PLEK: variants seen among roughly 807,000 people sequenced by gnomAD.
The protein encoded by PLEK is platelet 47 kDa protein.
PLEK carries 25 observed loss-of-function variants against 43.9 expected under a neutral mutation model. That is an observed-to-expected ratio of 0.57 (90% CI 0.41 to 0.79). PLEK has a LOEUF of 0.79. Among genes scored for constraint, PLEK ranks in the 30% least tolerant of loss-of-function variants. PLEK has a pLI of 0.00. For missense variants in PLEK, 396 were observed against 413.3 expected (o/e 0.96, Z 0.36); for synonymous variants, 152 against 144.4 (o/e 1.05, Z -0.38).
At chr2:68,395,287 C>T (rs1673943387) in intron 8 of PLEK, among the ~76,000 whole-genome samples, 1 of 151,110 alleles carries the variant, frequency 6.6e-6, no homozygotes, top group Non-Finnish European at 1.5e-5. Flanking sequence ...AGGTAGATAT[C>T]AGGAGCAACC....
rs5831929 is a variant in PLEK at position 68,387,776 on chromosome 2, GTT to G, written c.658-600_658-599del. 7.3e-3 allele frequency among the ~76,000 whole-genome samples: 1,084 copies of G among 147,736 alleles called. 10 individuals carry two copies. The highest frequency in any genetic ancestry group is 0.026 in the African/African-American group (1,042 of 40,234). ...CACTTTAGGGGAAGTTCCACAGTCT[GTT>G]TTTTTTTTTTCTTCAGTCCTTTGAT... On this transcript the variant is annotated intron_variant, in intron 5 of 8. Transcript: ENST00000234313.
rs761664097 is a variant in PLEK at position 68,393,225 on chromosome 2, C to A, written c.826C>A (p.His276Asn). 2.5e-6 allele frequency: 4 copies of A among 1,609,548 alleles called. No homozygotes were observed. Among genetic ancestry groups the A allele is most frequent in the African/African-American group, 2.7e-5 (2 of 74,946 alleles). ...CTTGAGAGAAGACCCTGCCTACCTG[C>A]ACTACTATGACCCTGCTGGGGTAAG... ...FILREDPAYL[H>N]YYDPAGAEDP... The change falls in exon 7 of 9, where the codon CAC becomes AAC. Residue 276 changes from histidine to asparagine, a missense_variant. His to Asn is a moderately conservative substitution (Grantham distance 68, BLOSUM62 1). Coordinates refer to ENST00000234313, the MANE Select transcript of PLEK (RefSeq NM_002664.3).
chr2:68,371,907 G>C (rs1673415972), intron 1 of PLEK, among the ~76,000 whole-genome samples: 1 of 152,186 alleles, frequency 6.6e-6, no homozygotes, highest in Admixed American at 6.5e-5. Context: ...AAAGAGAAAG[G>C]CTGTATCTTA....
rs147762721 is a variant in PLEK, at chr2:68,370,454, G to A, written c.42+5061G>A. On this transcript the variant is annotated intron_variant, in intron 1 of 8. Coordinates refer to ENST00000234313, the MANE Select transcript of PLEK (RefSeq NM_002664.3). The stretch of plus-strand genomic sequence containing the variant: ...GTGAACTATTCGAGAGCAGAGATAG[G>A]GTCTTGTTTATTTTTGTTTTTATTT... Among the ~76,000 whole-genome samples, 247 of 152,058 alleles carry A rather than the reference G, an allele frequency of 1.6e-3. 2 individuals are homozygous for A. The highest frequency in any genetic ancestry group is 2.6e-3 in the Non-Finnish European group (177 of 67,952).
intron 1 of PLEK, among the ~76,000 whole-genome samples, chr2:68,374,613 C>T (rs1252439890): frequency 6.6e-6 from 1 of 152,178 alleles, no homozygotes; most frequent in Non-Finnish European, 1.5e-5. Flanking sequence ...AATCAACACA[C>T]AGATAAAGAC....
chr2:68,387,554 G>T (rs1673771061), intron 5 of PLEK, among the ~76,000 whole-genome samples: 1 of 152,150 alleles, frequency 6.6e-6, no homozygotes, highest in African/African-American at 2.4e-5. Context: ...ACCTCCCACA[G>T]TATGCTTACC....
intron 4 of PLEK, among the ~76,000 whole-genome samples, chr2:68,384,187 C>A (rs1396728003): frequency 6.6e-6 from 1 of 150,538 alleles, no homozygotes; most frequent in African/African-American, 2.5e-5. Flanking sequence ...CCTTCTCCTT[C>A]TCCTTCTCCT....
intron 1 of PLEK, 81 bp downstream of exon 1, chr2:68,365,474 C>A: frequency 9.2e-7 from 1 of 1,081,482 alleles, no homozygotes; most frequent in Non-Finnish European, 1.4e-6. Flanking sequence ...GCTACCTGCT[C>A]ATCTTAGGAA....
chr2:68,370,810 C>T (rs773429991), intron 1 of PLEK, among the ~76,000 whole-genome samples: 1 of 152,124 alleles, frequency 6.6e-6, no homozygotes, highest in African/African-American at 2.4e-5. Flanking sequence ...TCCCAACAAC[C>T]AGGCCAGTGT....
intron 6 of PLEK, among the ~76,000 whole-genome samples, chr2:68,388,828 A>G (rs980799851): frequency 2.4e-4 from 37 of 152,200 alleles, no homozygotes; most frequent in Non-Finnish European, 3.5e-4. Context: ...TGGTAAAAGT[A>G]CTTCCATTTT....
rs149225658 is a variant in PLEK at position 68,395,792 on chromosome 2, G to T, written c.1029G>T (p.Gln343His). Reference protein sequence around the residue: ...KERTEWIRAIQMASRTGK With the variant: ...KERTEWIRAIHMASRTGK ...GCACAGAGTGGATCAGAGCCATCCA[G>T]ATGGCCTCCCGAACTGGGAAGTAAA... Residue 343 changes from glutamine to histidine, a missense_variant, in exon 9 of 9, where the codon CAG (glutamine) becomes CAT (histidine). Gln to His is a conservative substitution (Grantham distance 24). Transcript: ENST00000234313. 1.5e-5 allele frequency: 25 copies of T among 1,613,824 alleles called. No individual in the cohort carries two copies. The highest frequency in any genetic ancestry group is 3.3e-4 in the Middle Eastern group (2 of 6,060).
chr2:68,366,223 G>T (rs565007783), intron 1 of PLEK, among the ~76,000 whole-genome samples: 21 of 152,320 alleles, frequency 1.4e-4, no homozygotes, highest in Admixed American at 5.9e-4. Context: ...TGAGCTGAAC[G>T]TAGTGCCTTC....
At chr2:68,393,717 G>A (rs1193584430) in intron 7 of PLEK, among the ~76,000 whole-genome samples, 2 of 152,126 alleles carry the variant, frequency 1.3e-5, no homozygotes, top group East Asian at 1.9e-4. Flanking sequence ...CTCACCCTCC[G>A]CTTGCAGCAC....
At chr2:68,369,255 G>T (rs1673343916) in intron 1 of PLEK, among the ~76,000 whole-genome samples, 1 of 152,222 alleles carries the variant, frequency 6.6e-6, no homozygotes, top group Admixed American at 6.5e-5. Flanking sequence ...GAAGTACAGA[G>T]AGGCAAATGG....
chr2:68,395,704 T>C lies in PLEK; in HGVS notation c.941T>C (p.Leu314Pro). 6.2e-7 allele frequency: 1 copy of C among 1,614,018 alleles called. No individual in the cohort carries two copies. Among genetic ancestry groups the C allele is most frequent in the Non-Finnish European group, 8.5e-7 (1 of 1,179,922 alleles). ...SNGRKSEEEN[L>P]FEIITADEVH... is the part of the protein sequence containing the mutation. ...GGCAGGAAGAGTGAGGAAGAGAACC[T>C]TTTTGAGATCATCACAGCAGATGAA... The change falls in exon 9 of 9, where the codon CTT becomes CCT. Residue 314 changes from leucine (L) to proline (P), a missense_variant. Transcript: ENST00000234313.
At position 68,393,205 on chromosome 2, in the gene PLEK, G is replaced by T; in HGVS notation, c.806G>T (p.Arg269Ile). ...TGGAAAGTGAGGAAGTTCATCTTGA[G>T]AGAAGACCCTGCCTACCTGCACTAC... ...KNWKVRKFIL[R>I]EDPAYLHYYD... The change falls in exon 7 of 9, where the codon AGA becomes ATA. Residue 269 changes from arginine to isoleucine, a missense_variant. By Grantham distance (97) the Arg-to-Ile change is moderately conservative. Transcript: ENST00000234313. 1 of 1,613,186 alleles carries T rather than the reference G, an allele frequency of 6.2e-7. No individual in the cohort carries two copies. Among genetic ancestry groups the T allele is most frequent in the Non-Finnish European group, 8.5e-7 (1 of 1,179,114 alleles).
chr2:68,380,961 C>A, intron 3 of PLEK, 57 bp downstream of exon 3: 1 of 1,461,556 alleles, frequency 6.8e-7, no homozygotes, highest in East Asian at 2.3e-5. Context: ...ACAAACATAG[C>A]AGATCCTGCT....
intron 1 of PLEK, among the ~76,000 whole-genome samples, chr2:68,370,320 G>A (rs562786449): frequency 1.3e-5 from 2 of 152,182 alleles, no homozygotes; most frequent in Non-Finnish European, 2.9e-5. Context: ...CCAACCCTCA[G>A]CCATTGGTTG....
intron 6 of PLEK, 144 bp downstream of exon 6, chr2:68,388,635 CT>C: frequency 1.9e-6 from 1 of 528,456 alleles, no homozygotes; most frequent in African/African-American, 1.9e-5. Flanking sequence ...ATGAGTAGCT[CT>C]TTAGATATCA....
Sources: allele counts gnomAD v4.1 joint callset (sites outside exome capture counted in the v4.1 genomes callset), GRCh38; gene constraint gnomAD v4.1.1; transcripts MANE v1.5; gene names NCBI Gene and HGNC (gene_info 2026-07-23, HGNC 2026-07-21).